RGS7: variants seen among roughly 807,000 people sequenced by gnomAD.
RGS7 encodes the protein regulator of G protein signaling 7, also known as regulator of G-protein signaling 7.
In RGS7, 27 loss-of-function variants were observed where a neutral mutation model predicts 81.1. The ratio of observed to expected loss-of-function variants is 0.33; its 90% confidence interval spans 0.25 to 0.46. The LOEUF is 0.46. RGS7 is among the 20% of genes least tolerant of loss of function. The probability of loss-of-function intolerance (pLI) is 1.00; values close to 1 mark genes in which losing one functional copy is unlikely to be tolerated. For missense variants in RGS7, 396 were observed against 607.4 expected (o/e 0.65, Z 3.66); for synonymous variants, 208 against 207.7 (o/e 1.00, Z -0.01).
intron 4 of RGS7, among the ~76,000 whole-genome samples, chr1:240,975,100 C>A (rs1683863252): frequency 6.6e-6 from 1 of 152,006 alleles, no homozygotes; most frequent in Admixed American, 6.6e-5. Flanking sequence ...AAATAGCTGC[C>A]ACTCAAAGAA....
chr1:241,060,943 T>C (rs1165372650), intron 3 of RGS7, among the ~76,000 whole-genome samples: 1 of 152,244 alleles, frequency 6.6e-6, no homozygotes, highest in Non-Finnish European at 1.5e-5. Context: ...GAATGGTCTC[T>C]GGATGGAAAC....
chr1:241,268,912 T>C (rs1030766322), intron 2 of RGS7, among the ~76,000 whole-genome samples: 1 of 152,178 alleles, frequency 6.6e-6, no homozygotes, highest in Admixed American at 6.5e-5. Context: ...GGCATTTACA[T>C]GGACTTGTGG....
intron 3 of RGS7, among the ~76,000 whole-genome samples, chr1:241,020,942 T>C (rs1329378654): frequency 6.6e-6 from 1 of 152,142 alleles, no homozygotes; most frequent in Admixed American, 6.5e-5. Flanking sequence ...AGGAAGCAAA[T>C]AATATGGTTC....
rs141697672 is a variant in RGS7 at position 241,081,770 on chromosome 1, A to AT, written c.175+16895dup. ...GCACAGTGATATATGTTGCAGAAAAATGTGCATTTTGGTCCATCATTAATG... is the reference window on the plus strand; with the variant it reads ...GCACAGTGATATATGTTGCAGAAAAATTGTGCATTTTGGTCCATCATTAATG... On this transcript the variant is annotated intron_variant, in intron 3 of 18. Transcript: ENST00000440928. Among the ~76,000 whole-genome samples the AT allele has an allele frequency of 4.1e-3, 632 of 152,346 alleles. 7 individuals carry two copies. Among genetic ancestry groups the AT allele is most frequent in the Admixed American group, 0.019 (289 of 15,300 alleles).
chr1:241,275,033 A>G lies in RGS7; in HGVS notation c.78+80666T>C, dbSNP rs1159210554. Among the ~76,000 whole-genome samples the G allele has an allele frequency of 2.6e-5, 4 of 152,354 alleles. No homozygotes were observed. In the East Asian group the frequency reaches 7.7e-4, roughly 29 times the overall value. On this transcript the variant is annotated intron_variant, in intron 2 of 18. Transcript: ENST00000440928. ...GGTTTAACTGACAGAAATGAGGAAC[A>G]GGGTCAGAACAGTCAGTGTACTATA...
At chr1:241,332,027 C>T (rs1216920063) in intron 2 of RGS7, among the ~76,000 whole-genome samples, 1 of 152,188 alleles carries the variant, frequency 6.6e-6, no homozygotes, top group Non-Finnish European at 1.5e-5. Context: ...ATTTCCTTTC[C>T]AGCCACTGCC....
chr1:240,854,200 G>A (rs1218829717), intron 9 of RGS7, among the ~76,000 whole-genome samples: 1 of 152,102 alleles, frequency 6.6e-6, no homozygotes, highest in African/African-American at 2.4e-5. Context: ...TTAATTGCAC[G>A]TGCAAGATCA....
chr1:240,806,140 C>T lies in RGS7; in HGVS notation c.1269G>A (p.Gln423=). Residue 423 remains glutamine, a splice_region_variant and synonymous_variant, in exon 15 of 19, where the codon CAG becomes CAA. Transcript: ENST00000440928. ...GGTGTGAGGCTCACCGTACACCCAC[C>T]TGAGCATCTTCAAATGTGTATCGTC... ...EPGRYTFEDA[Q]EHIYKLMKSD... 1.2e-6 allele frequency: 2 copies of T among 1,613,304 alleles called. No individual in the cohort carries two copies. The highest frequency in any genetic ancestry group is 1.7e-6 in the Non-Finnish European group (2 of 1,179,622).
At chr1:240,980,189 G>A (rs1684712926) in intron 4 of RGS7, among the ~76,000 whole-genome samples, 1 of 152,138 alleles carries the variant, frequency 6.6e-6, no homozygotes, top group South Asian at 2.1e-4. Context: ...GTCCTGGATT[G>A]CTGTAATAGA....
At chr1:240,929,329 C>T (rs938117159) in intron 6 of RGS7, among the ~76,000 whole-genome samples, 1 of 152,168 alleles carries the variant, frequency 6.6e-6, no homozygotes, top group African/African-American at 2.4e-5. Context: ...CTCAAATCTA[C>T]AAATCAGTAG....
chr1:240,874,330 C>T (rs992663742), intron 6 of RGS7, among the ~76,000 whole-genome samples: 1 of 152,122 alleles, frequency 6.6e-6, no homozygotes, highest in Admixed American at 6.5e-5. Flanking sequence ...TGAGTGGCTT[C>T]TTTCTCCCCT....
At chr1:241,004,065 C>T (rs913582699) in intron 3 of RGS7, among the ~76,000 whole-genome samples, 3 of 152,104 alleles carry the variant, frequency 2.0e-5, no homozygotes, top group African/African-American at 4.8e-5. Flanking sequence ...CTGGGCACTG[C>T]GAGGGAATAA....
chr1:240,840,463 CAG>C (rs1248164622), intron 9 of RGS7, among the ~76,000 whole-genome samples: 4 of 152,088 alleles, frequency 2.6e-5, no homozygotes, highest in African/African-American at 7.2e-5. Context: ...AGTAGAGAGA[CAG>C]GGTTTCACCA....
At chr1:240,996,051 G>T (rs1340596646) in intron 3 of RGS7, among the ~76,000 whole-genome samples, 3 of 151,702 alleles carry the variant, frequency 2.0e-5, no homozygotes, top group African/African-American at 7.3e-5. Flanking sequence ...ATCCTTCAAT[G>T]ATATTATTTA....
chr1:240,874,604 G>A (rs1665047516), intron 6 of RGS7, among the ~76,000 whole-genome samples: 1 of 152,080 alleles, frequency 6.6e-6, no homozygotes, highest in Admixed American at 6.6e-5. Flanking sequence ...AAATATTTTA[G>A]TTGATAAATG....
intron 2 of RGS7, among the ~76,000 whole-genome samples, chr1:241,291,570 CT>C (rs397947911): frequency 9.1e-4 from 86 of 94,158 alleles, no homozygotes; most frequent in African/African-American, 2.3e-3. Flanking sequence ...GAATTCCCAG[CT>C]TTTTTTTTTT....
intron 2 of RGS7, among the ~76,000 whole-genome samples, chr1:241,105,582 A>T (rs796785948): frequency 1.3e-5 from 2 of 152,328 alleles, no homozygotes; most frequent in African/African-American, 4.8e-5. Flanking sequence ...AAACAAAATC[A>T]CTGCCTTGAA....
chr1:240,792,338 G>T (rs2103014877), intron 18 of RGS7, among the ~76,000 whole-genome samples: 1 of 152,290 alleles, frequency 6.6e-6, no homozygotes, highest in African/African-American at 2.4e-5. Context: ...GATGACTACA[G>T]TAGCTGCTGA....
At chr1:241,341,991 C>T (rs1259759531) in intron 2 of RGS7, among the ~76,000 whole-genome samples, 1 of 149,132 alleles carries the variant, frequency 6.7e-6, no homozygotes, top group Non-Finnish European at 1.5e-5. Flanking sequence ...TCTTCTGCTT[C>T]ACCCTCCGGA....
Sources: allele counts gnomAD v4.1 joint callset (sites outside exome capture counted in the v4.1 genomes callset), GRCh38; gene constraint gnomAD v4.1.1; transcripts MANE v1.5; gene names NCBI Gene and HGNC (gene_info 2026-07-23, HGNC 2026-07-21).